SLC22A16: variants seen among roughly 807,000 people sequenced by gnomAD.
The protein encoded by SLC22A16 is solute carrier family 22 member 16.
Under a neutral mutation model 52.9 loss-of-function variants are expected in SLC22A16, and 53 were observed. The observed-to-expected ratio is 1.00, with a 90% CI of 0.80 to 1.26. The LOEUF (loss-of-function observed/expected upper bound fraction) is 1.26. Among genes scored for constraint, SLC22A16 ranks in the 50% most tolerant of loss-of-function variants. The pLI is 0.00. For synonymous variants in SLC22A16, 291 were observed against 268.8 expected, an observed-to-expected ratio of 1.08 and a Z score of -0.81; for missense variants, 726 against 704.0, an observed-to-expected ratio of 1.03 and a Z score of -0.35.
chr6:110,472,614 C>G (rs1349919917), intron 1 of SLC22A16, among the ~76,000 whole-genome samples: 2 of 152,158 alleles, frequency 1.3e-5, no homozygotes, highest in Non-Finnish European at 2.9e-5. Context: ...ATTTCCCTTT[C>G]CCTTTTGCAA....
chr6:110,474,250 AC>A (rs1776381020), intron 1 of SLC22A16, among the ~76,000 whole-genome samples: 2 of 152,184 alleles, frequency 1.3e-5, no homozygotes, highest in East Asian at 1.9e-4. Flanking sequence ...AAGGTTAGGG[AC>A]CAGGTCTGTG....
chr6:110,425,149 A>T, intron 7 of SLC22A16, 64 bp from the exon 8 acceptor site: 1 of 1,591,604 alleles, frequency 6.3e-7, no homozygotes, highest in South Asian at 1.1e-5. Flanking sequence ...TTCGGAGAAT[A>T]GAATTTCCTA....
At chr6:110,434,417 G>A (rs1774633205) in intron 6 of SLC22A16, among the ~76,000 whole-genome samples, 1 of 152,100 alleles carries the variant, frequency 6.6e-6, no homozygotes, top group Non-Finnish European at 1.5e-5. Flanking sequence ...GTTAAGGCCT[G>A]GAAGTTCTGC....
In SLC22A16 at chr6:110,431,213, C is replaced by G. The variant is rs142454497; in HGVS notation, c.1479G>C (p.Pro493=). Reference sequence around the variant, plus strand: ...AAATGCTGCTGAGGTCCACAGAGAACGGCGCCAGGATGCTGGCCAGGCGAC... The same window carrying G: ...AAATGCTGCTGAGGTCCACAGAGAAGGGCGCCAGGATGCTGGCCAGGCGAC... ...MVCRLASILA[P]FSVDLSSIWI... The change falls in exon 7 of 8, where the codon CCG becomes CCC. Residue 493 remains proline (P), a synonymous_variant. Coordinates refer to ENST00000368919, the MANE Select transcript of SLC22A16 (RefSeq NM_033125.4). 1 of 1,613,710 alleles carries G rather than the reference C, an allele frequency of 6.2e-7. No individual in the cohort carries two copies. Among genetic ancestry groups the G allele is most frequent in the East Asian group, 2.2e-5 (1 of 44,878 alleles).
At chr6:110,441,869 T>C (rs185401598) in intron 4 of SLC22A16, among the ~76,000 whole-genome samples, 1 of 152,282 alleles carries the variant, frequency 6.6e-6, no homozygotes, top group East Asian at 1.9e-4. Flanking sequence ...TTTTCTTCAG[T>C]TAATAGTGTA....
chr6:110,457,056 T>C (rs951708186), intron 1 of SLC22A16, 39 bp from the exon 2 acceptor site: 12 of 1,503,932 alleles, frequency 8.0e-6, no homozygotes, highest in South Asian at 2.9e-5. Context: ...ATCTGGTCTA[T>C]AGGCTGAAAA....
intron 2 of SLC22A16, among the ~76,000 whole-genome samples, chr6:110,447,547 C>A (rs927039063): frequency 3.3e-5 from 5 of 152,164 alleles, no homozygotes; most frequent in Non-Finnish European, 5.9e-5. Context: ...TTAAAGTAGA[C>A]AATTTGGTGG....
chr6:110,427,419 A>G (rs1242274722), intron 7 of SLC22A16, among the ~76,000 whole-genome samples: 1 of 152,122 alleles, frequency 6.6e-6, no homozygotes, highest in Non-Finnish European at 1.5e-5. Flanking sequence ...TGTAAAATGG[A>G]TGAAAGAATA....
At chr6:110,473,209 A>G (rs2114322016) in intron 1 of SLC22A16, among the ~76,000 whole-genome samples, 1 of 152,318 alleles carries the variant, frequency 6.6e-6, no homozygotes, top group South Asian at 2.1e-4. Context: ...GAAAAACTCT[A>G]TATACTGAAA....
chr6:110,427,247 C>CAAAAAAAAAAAAAAA (rs71018390), intron 7 of SLC22A16, among the ~76,000 whole-genome samples: 1 of 60,594 alleles, frequency 1.7e-5, no homozygotes, highest in African/African-American at 5.5e-5. Flanking sequence ...GACCCAATCT[C>CAAAAAAAAAAAAAAA]AAAAAAAAAA....
intron 1 of SLC22A16, among the ~76,000 whole-genome samples, chr6:110,469,167 C>A (rs956978020): frequency 2.6e-5 from 4 of 152,188 alleles, no homozygotes; most frequent in African/African-American, 7.2e-5. Context: ...CTTTACTCTA[C>A]TCTATTCACT....
rs1195190159 is a variant in SLC22A16, at chr6:110,433,987, T to C, written c.1421+1865A>G. On this transcript the variant is annotated intron_variant, in intron 6 of 7. Coordinates refer to ENST00000368919, the MANE Select transcript of SLC22A16 (RefSeq NM_033125.4). ...CGGACGCAGTGGCTCACACCTGTAATCCTAGCGCTTTGGGAGGCCAAGGAG... is the reference window on the plus strand; with the variant it reads ...CGGACGCAGTGGCTCACACCTGTAACCCTAGCGCTTTGGGAGGCCAAGGAG... Among the ~76,000 whole-genome samples, 3 of 152,154 alleles carry C rather than the reference T, an allele frequency of 2.0e-5. No homozygotes were observed. The East Asian group carries it at 5.8e-4, about 29-fold the overall frequency.
Position 110,446,910 on chromosome 6 carries a change from TAATC to T in SLC22A16, c.610_613del (p.Asp204IlefsTer26), listed in dbSNP as rs765976864. On this transcript the variant is annotated frameshift_variant, in exon 3 of 8. Transcript: ENST00000368919. LOFTEE classifies it high-confidence loss of function. The stretch of plus-strand genomic sequence containing the variant: ...AAAGCGAGCAGCCATGAAGGTGTAA[TAATC>T]AACTGCAAACGCCGCTGCTATTCCA... 5 of 1,613,882 alleles carry T rather than the reference TAATC, an allele frequency of 3.1e-6. No homozygotes were observed. The highest frequency in any genetic ancestry group is 4.2e-6 in the Non-Finnish European group (5 of 1,179,916).
intron 3 of SLC22A16, among the ~76,000 whole-genome samples, chr6:110,445,393 A>G (rs531177282): frequency 3.7e-4 from 56 of 152,148 alleles, no homozygotes; most frequent in Non-Finnish European, 7.9e-4. Context: ...CCTCACTGTC[A>G]ACATTTTATT....
intron 1 of SLC22A16, among the ~76,000 whole-genome samples, chr6:110,457,353 A>G (rs1233775651): frequency 6.6e-6 from 1 of 152,154 alleles, no homozygotes; most frequent in Non-Finnish European, 1.5e-5. Context: ...TAAGCCTGGA[A>G]TATCTTACAA....
chr6:110,471,348 T>A (rs1776254739), intron 1 of SLC22A16, among the ~76,000 whole-genome samples: 1 of 152,204 alleles, frequency 6.6e-6, no homozygotes, highest in Admixed American at 6.5e-5. Flanking sequence ...AAATCTGTGA[T>A]GTTTGCAGAA....
intron 7 of SLC22A16, among the ~76,000 whole-genome samples, chr6:110,427,593 G>A (rs935535754): frequency 1.6e-4 from 24 of 152,046 alleles, no homozygotes; most frequent in Non-Finnish European, 2.5e-4. Context: ...TCAGGCAGTC[G>A]GGTTCAAGCG....
chr6:110,473,364 T>C (rs746439185), intron 1 of SLC22A16, among the ~76,000 whole-genome samples: 1 of 152,050 alleles, frequency 6.6e-6, no homozygotes, highest in Non-Finnish European at 1.5e-5. Context: ...CCAACACAGG[T>C]GCCTAAATTT....
chr6:110,428,293 C>T (rs1774356273), intron 7 of SLC22A16, among the ~76,000 whole-genome samples: 1 of 151,962 alleles, frequency 6.6e-6, no homozygotes, highest in African/African-American at 2.4e-5. Context: ...TCCTTAGATC[C>T]AAAGGAAGCA....
Sources: allele counts gnomAD v4.1 joint callset (sites outside exome capture counted in the v4.1 genomes callset), GRCh38; gene constraint gnomAD v4.1.1; transcripts MANE v1.5; gene names NCBI Gene and HGNC (gene_info 2026-07-23, HGNC 2026-07-21).